RFX3: variants seen among roughly 807,000 people sequenced by gnomAD.
The protein encoded by RFX3 is transcription factor RFX3.
A neutral mutation model predicts 98.6 loss-of-function variants in RFX3; 14 were observed. That is an observed-to-expected ratio of 0.14 (90% confidence interval 0.09 to 0.22). The LOEUF (loss-of-function observed/expected upper bound fraction) is 0.22. RFX3 is among the 10% of genes least tolerant of loss of function. RFX3 has a pLI of 1.00. For synonymous variants in RFX3, 383 were observed against 328.4 expected, an observed-to-expected ratio of 1.17 and a Z score of -1.80; for missense variants, 639 against 926.9, an observed-to-expected ratio of 0.69 and a Z score of 4.03.
At position 3,218,950 on chromosome 9, in the gene RFX3, T is replaced by C. The variant is rs1817206285; in HGVS notation, c.*6092A>G. On this transcript the variant is annotated 3_prime_UTR_variant, in exon 17 of 17. Transcript: ENST00000617270. ...TTAAAAAAACACAATGAAAGAAGTT[T>C]TACCTAGAAGGTACGAAAGCCCTGA... is the stretch of plus-strand genomic sequence containing the variant. The C allele has an allele frequency of 6.6e-6, 1 of 152,120 alleles. No homozygotes were observed. Among genetic ancestry groups the C allele is most frequent in the East Asian group, 1.9e-4 (1 of 5,196 alleles). 9.4% of individuals were successfully genotyped at this position (152,120 alleles called of 1,614,324 possible). A position where few individuals can be genotyped will look rare whatever the true frequency, so the allele number is the denominator to read the frequency against.
chr9:3,495,199 G>T (rs1256509312), intron 1 of RFX3, among the ~76,000 whole-genome samples: 1 of 151,516 alleles, frequency 6.6e-6, no homozygotes, highest in African/African-American at 2.4e-5. Flanking sequence ...CATAAAGCAA[G>T]AACTTCTCCA....
chr9:3,497,213 C>T (rs1234898877), intron 1 of RFX3, among the ~76,000 whole-genome samples: 1 of 151,942 alleles, frequency 6.6e-6, no homozygotes, highest in African/African-American at 2.4e-5. Context: ...ACAATCTGAA[C>T]AATTGATAGG....
intron 4 of RFX3, among the ~76,000 whole-genome samples, chr9:3,324,802 A>C (rs941924648): frequency 1.3e-5 from 2 of 151,990 alleles, no homozygotes; most frequent in Non-Finnish European, 2.9e-5. Flanking sequence ...GTCTCTACTA[A>C]AAATACAAAA....
rs978845236 is a variant in RFX3, at chr9:3,247,145, T to G, written c.1968+887A>C. On this transcript the variant is annotated intron_variant, in intron 15 of 16. Transcript: ENST00000617270. ...TGTCACATTTAATAATCTGGTATGATTCGACAAGGTATAAACTACCCCCGC... is the reference window on the plus strand; with the variant it reads ...TGTCACATTTAATAATCTGGTATGAGTCGACAAGGTATAAACTACCCCCGC... The G allele has an allele frequency of 1.1e-5, 11 of 985,356 alleles. No homozygotes were observed. The African/African-American group carries it at 1.9e-4, about 17-fold the overall frequency. 61.0% of individuals were successfully genotyped at this position (985,356 alleles called of 1,614,324 possible).
At chr9:3,505,352 TA>T (rs1208639287) in intron 1 of RFX3, among the ~76,000 whole-genome samples, 1 of 107,824 alleles carries the variant, frequency 9.3e-6, no homozygotes, top group Non-Finnish European at 1.7e-5. Context: ...TAAAATATTT[TA>T]TATTTATATA....
chr9:3,259,696 C>G (rs938126533), intron 13 of RFX3, among the ~76,000 whole-genome samples: 1 of 151,538 alleles, frequency 6.6e-6, no homozygotes, highest in Non-Finnish European at 1.5e-5. Flanking sequence ...CATCGTAATA[C>G]TATCAATTAA....
Position 3,220,619 on chromosome 9 carries a change from A to T in RFX3, c.*4423T>A, listed in dbSNP as rs905430045. ...TATAAAATGCAAGTGTTCGGCGTGG[A>T]AACACTTTCTCTTCCTACCCCCCCC... is the stretch of plus-strand genomic sequence containing the variant. On this transcript the variant is annotated 3_prime_UTR_variant, in exon 17 of 17. Coordinates refer to ENST00000617270, the MANE Select transcript of RFX3 (RefSeq NM_001282116.2). 2 of 138,592 alleles carry T rather than the reference A, an allele frequency of 1.4e-5. No individual in the cohort carries two copies. Among genetic ancestry groups the T allele is most frequent in the African/African-American group, 4.9e-5 (2 of 40,576 alleles). 8.6% of individuals were successfully genotyped at this position (138,592 alleles called of 1,614,324 possible).
chr9:3,466,648 A>G (rs1848248364), intron 1 of RFX3, among the ~76,000 whole-genome samples: 1 of 152,144 alleles, frequency 6.6e-6, no homozygotes, highest in African/African-American at 2.4e-5. Flanking sequence ...AGATTCAATT[A>G]GATGTCTTAT....
intron 1 of RFX3, among the ~76,000 whole-genome samples, chr9:3,478,570 T>G (rs1849470253): frequency 6.6e-6 from 1 of 152,156 alleles, no homozygotes; most frequent in South Asian, 2.1e-4. Flanking sequence ...AAAGAAATCT[T>G]CATGAGAAGT....
intron 3 of RFX3, among the ~76,000 whole-genome samples, chr9:3,342,058 G>A (rs946361917): frequency 7.2e-5 from 11 of 152,102 alleles, no homozygotes; most frequent in Non-Finnish European, 1.5e-4. Context: ...AAGTGTATGG[G>A]AAAATAATTA....
chr9:3,268,020 G>C (rs1240707858), intron 11 of RFX3, among the ~76,000 whole-genome samples: 1 of 151,808 alleles, frequency 6.6e-6, no homozygotes, highest in Non-Finnish European at 1.5e-5. Flanking sequence ...GGTGAGAAAA[G>C]ATATATTTTG....
At chr9:3,409,328 G>T (rs555888943) in intron 1 of RFX3, among the ~76,000 whole-genome samples, 1 of 152,200 alleles carries the variant, frequency 6.6e-6, no homozygotes, top group South Asian at 2.1e-4. Flanking sequence ...TGAATTGGAT[G>T]AACATGTTGC....
chr9:3,245,104 C>T (rs1279456352), intron 15 of RFX3, among the ~76,000 whole-genome samples: 4 of 152,174 alleles, frequency 2.6e-5, no homozygotes, highest in Admixed American at 2.6e-4. Context: ...TTTGACTATA[C>T]AAATCAAACA....
At chr9:3,256,733 G>A (rs948800687) in intron 14 of RFX3, among the ~76,000 whole-genome samples, 18 of 152,130 alleles carry the variant, frequency 1.2e-4, no homozygotes, top group East Asian at 7.7e-4. Flanking sequence ...AATCTCAGAC[G>A]TTCCCATCTG....
At chr9:3,402,425 G>T (rs370779433) in intron 1 of RFX3, among the ~76,000 whole-genome samples, 84 of 152,078 alleles carry the variant, frequency 5.5e-4, no homozygotes, top group African/African-American at 2.0e-3. Context: ...TACTTGAACC[G>T]AATTAACCAA....
At chr9:3,367,910 G>A (rs969207283) in intron 2 of RFX3, among the ~76,000 whole-genome samples, 21 of 152,286 alleles carry the variant, frequency 1.4e-4, no homozygotes, top group African/African-American at 5.1e-4. Flanking sequence ...AAATTTAGGA[G>A]AATGCTATCA....
intron 1 of RFX3, among the ~76,000 whole-genome samples, chr9:3,504,443 A>G (rs1816504467): frequency 7.8e-6 from 1 of 128,746 alleles, no homozygotes; most frequent in African/African-American, 3.1e-5. Context: ...ATTGTATATA[A>G]AATATATATT....
intron 4 of RFX3, among the ~76,000 whole-genome samples, chr9:3,308,017 C>T (rs1166960526): frequency 6.6e-6 from 1 of 152,060 alleles, no homozygotes; most frequent in Admixed American, 6.6e-5. Context: ...AGTAAACATT[C>T]TCCATTTTTT....
In RFX3 at chr9:3,223,179, T is replaced by C. The variant is rs1187810392; in HGVS notation, c.*1863A>G. ...GCTTTCCTTTTTTTTGGCTTTATTA[T>C]CTATTTATTTTTGCTGATTAGTTTT... On this transcript the variant is annotated 3_prime_UTR_variant, in exon 17 of 17. Transcript: ENST00000617270. 1.3e-5 allele frequency: 2 copies of C among 152,176 alleles called. No individual in the cohort carries two copies. Among genetic ancestry groups the C allele is most frequent in the Non-Finnish European group, 2.9e-5 (2 of 68,038 alleles). 9.4% of individuals were successfully genotyped at this position (152,176 alleles called of 1,614,324 possible).
Sources: allele counts gnomAD v4.1 joint callset (sites outside exome capture counted in the v4.1 genomes callset), GRCh38; gene constraint gnomAD v4.1.1; transcripts MANE v1.5; gene names NCBI Gene and HGNC (gene_info 2026-07-23, HGNC 2026-07-21).